CACNA1B: variants seen among roughly 807,000 people sequenced by gnomAD.
CACNA1B encodes the protein calcium voltage-gated channel subunit alpha1 B, also known as voltage-dependent N-type calcium channel subunit alpha-1B.
In CACNA1B, 70 loss-of-function variants were observed where a neutral mutation model predicts 247.2. The ratio of observed to expected loss-of-function variants is 0.28; its 90% CI spans 0.23 to 0.35. The LOEUF (loss-of-function observed/expected upper bound fraction) is 0.35. Ranked by LOEUF, CACNA1B falls within the 10% of genes least tolerant of loss-of-function variation. The pLI, the probability that CACNA1B is intolerant of heterozygous loss-of-function variation, is 1.00. For synonymous variants in CACNA1B, 1,231 were observed against 1,294.4 expected (o/e 0.95, Z 1.05); for missense variants, 2,367 against 3,197.4 (o/e 0.74, Z 6.26).
chr9:138,056,347 T>C (rs1398161751), intron 26 of CACNA1B, among the ~76,000 whole-genome samples: 2 of 152,260 alleles, frequency 1.3e-5, no homozygotes, highest in Non-Finnish European at 2.9e-5. Flanking sequence ...TGTGGTCTTT[T>C]GTGAGTAGCT....
chr9:137,932,572 A>G (rs1188608959), intron 6 of CACNA1B, among the ~76,000 whole-genome samples: 1 of 152,236 alleles, frequency 6.6e-6, no homozygotes, highest in Non-Finnish European at 1.5e-5. Context: ...CTTGGGAAGT[A>G]TCTTGAGTTG....
In CACNA1B at chr9:138,096,369, T is replaced by C. The variant is rs1961055945; in HGVS notation, c.5095-115T>C. 3 of 844,478 alleles carry C rather than the reference T, an allele frequency of 3.6e-6. No individual in the cohort carries two copies. In the Admixed American group the frequency reaches 5.9e-5, roughly 16 times the overall value. The allele number at this position is 844,478 out of a possible 1,614,324, so 52.3% of individuals were successfully genotyped here. On this transcript the variant is annotated intron_variant, in intron 36 of 46. Coordinates refer to ENST00000371372, the MANE Select transcript of CACNA1B (RefSeq NM_000718.4). Reference sequence around the variant, plus strand: ...GCAGATCGGGCATGTGCTGGTCAAATCAGAGTGACCCCTGCTATCCTGAGA... The same window carrying C: ...GCAGATCGGGCATGTGCTGGTCAAACCAGAGTGACCCCTGCTATCCTGAGA...
At chr9:137,945,397 C>G (rs998898189) in intron 6 of CACNA1B, among the ~76,000 whole-genome samples, 4 of 152,188 alleles carry the variant, frequency 2.6e-5, no homozygotes, top group Non-Finnish European at 5.9e-5. Context: ...CTGCGGTTCC[C>G]AAGGGCATCC....
chr9:138,087,158 G>C (rs1469804989), intron 36 of CACNA1B, among the ~76,000 whole-genome samples: 1 of 150,560 alleles, frequency 6.6e-6, no homozygotes, highest in African/African-American at 2.5e-5. Flanking sequence ...GGCTGAAGCG[G>C]GCAGATCATT....
chr9:137,916,841 C>T (rs928622788), intron 5 of CACNA1B, among the ~76,000 whole-genome samples: 1 of 138,774 alleles, frequency 7.2e-6, no homozygotes, highest in African/African-American at 2.7e-5. Context: ...GTGAGGGAGG[C>T]AGTTTGGCTG....
At chr9:138,090,072 TA>T (rs1032850403) in intron 36 of CACNA1B, among the ~76,000 whole-genome samples, 2 of 151,874 alleles carry the variant, frequency 1.3e-5, no homozygotes, top group East Asian at 3.9e-4. Context: ...CATAGAAATA[TA>T]AAAAAAATCC....
At chr9:138,015,518 C>T (rs1328181505) in intron 18 of CACNA1B, among the ~76,000 whole-genome samples, 1 of 147,000 alleles carries the variant, frequency 6.8e-6, no homozygotes, top group Non-Finnish European at 1.5e-5. Context: ...ATTTCCAGCA[C>T]CTTGAGCTGC....
rs7042567 is a variant in CACNA1B, at chr9:138,022,939, G to C, written c.2268-72G>C. 0.035 allele frequency: 50,326 copies of C among 1,431,996 alleles called. 1,385 individuals carry two copies. Among genetic ancestry groups the C allele is most frequent in the African/African-American group, 0.14 (9,652 of 67,090 alleles). 88.7% of individuals were successfully genotyped at this position (1,431,996 alleles called of 1,614,324 possible). ...GCGCCATTACTCCATTGCTGTGTGT[G>C]CATTGTGGCCTCCCTGGAGAGCGGC... is the stretch of plus-strand genomic sequence containing the variant. On this transcript the variant is annotated intron_variant, in intron 18 of 46. Coordinates refer to ENST00000371372, the MANE Select transcript of CACNA1B (RefSeq NM_000718.4).
Position 138,050,140 on chromosome 9 carries a change from C to T in CACNA1B, c.3710+825C>T, listed in dbSNP as rs1959227472. On this transcript the variant is annotated intron_variant, in intron 24 of 46. Transcript: ENST00000371372. This position sits in a 1 kb window ranked among gnomAD's most constrained non-coding sequence, Gnocchi z 5.2. ...CCCTGACATCACAGCATTCCAGCAG[C>T]CCCTCTTGGGTCATTTCATCTCCAG... The T allele has an allele frequency of 2.7e-5, 34 of 1,246,310 alleles. No individual in the cohort carries two copies. The highest frequency in any genetic ancestry group is 6.9e-5 in the Admixed American group (3 of 43,520). The allele number at this position is 1,246,310 out of a possible 1,614,324, so 77.2% of individuals were successfully genotyped here.
chr9:137,909,641 T>C (rs1305897919), intron 3 of CACNA1B, among the ~76,000 whole-genome samples: 3 of 152,242 alleles, frequency 2.0e-5, no homozygotes, highest in Non-Finnish European at 4.4e-5. Flanking sequence ...CTTCCGGTTA[T>C]TGTGAGTGAC....
At position 138,124,291 on chromosome 9, in the gene CACNA1B, T is replaced by C; in HGVS notation, c.*2292T>C. 6.6e-6 allele frequency: 1 copy of C among 152,328 alleles called. No homozygotes were observed. Among genetic ancestry groups the C allele is most frequent in the Middle Eastern group, 3.4e-3 (1 of 294 alleles). 9.4% of individuals were successfully genotyped at this position (152,328 alleles called of 1,614,324 possible). A position where few individuals can be genotyped will look rare whatever the true frequency, so the allele number is the denominator to read the frequency against. On this transcript the variant is annotated 3_prime_UTR_variant, in exon 47 of 47. Transcript: ENST00000371372. ...TGTGCATGTAACATATATACATATA[T>C]ACATATATACAAGTATGTGCATGAT...
At chr9:137,962,146 G>T (rs1330563202) in intron 10 of CACNA1B, among the ~76,000 whole-genome samples, 3 of 152,056 alleles carry the variant, frequency 2.0e-5, no homozygotes, top group Non-Finnish European at 2.9e-5. Context: ...ATTTCTTCTA[G>T]ATTTTCTAGT....
At position 137,919,904 on chromosome 9, in the gene CACNA1B, G is replaced by A. The variant is rs73668500; in HGVS notation, c.966+2473G>A. Among the ~76,000 whole-genome samples, 11 of 152,312 alleles carry A rather than the reference G, an allele frequency of 7.2e-5. No individual in the cohort carries two copies. Among genetic ancestry groups the A allele is most frequent in the South Asian group, 4.1e-4 (2 of 4,830 alleles). On this transcript the variant is annotated intron_variant, in intron 6 of 46. Coordinates refer to ENST00000371372, the MANE Select transcript of CACNA1B (RefSeq NM_000718.4). The surrounding 1 kb of genome is among the most constrained non-coding windows in gnomAD (Gnocchi z 4.6). Reference sequence around the variant, plus strand: ...TTTGTCTGTGCCTGGAAAAGCAGGCGGAGTCAAATGGAGCTTTGGGAGAAC... The same window carrying A: ...TTTGTCTGTGCCTGGAAAAGCAGGCAGAGTCAAATGGAGCTTTGGGAGAAC...
At chr9:138,040,960 C>T (rs1489610946) in intron 20 of CACNA1B, among the ~76,000 whole-genome samples, 1 of 152,178 alleles carries the variant, frequency 6.6e-6, no homozygotes, top group Non-Finnish European at 1.5e-5. Context: ...TTTCAGTTTT[C>T]TCAAGGATGG....
intron 15 of CACNA1B, among the ~76,000 whole-genome samples, chr9:138,000,341 G>T (rs529751022): frequency 1.3e-4 from 19 of 151,946 alleles, no homozygotes; most frequent in African/African-American, 4.6e-4. Flanking sequence ...CTCGTGATCA[G>T]CCCGCCTTGG....
chr9:137,980,159 C>T (rs1332213543), intron 12 of CACNA1B, among the ~76,000 whole-genome samples: 1 of 152,234 alleles, frequency 6.6e-6, no homozygotes, highest in Non-Finnish European at 1.5e-5. Context: ...TTGATTCTTT[C>T]AGTCCAAGTT....
intron 3 of CACNA1B, among the ~76,000 whole-genome samples, chr9:137,907,466 T>C (rs903889799): frequency 6.6e-6 from 1 of 152,170 alleles, no homozygotes; most frequent in African/African-American, 2.4e-5. Flanking sequence ...ATTCTACAGT[T>C]CTCTCTTCCA....
At chr9:137,972,108 T>A (rs1406470365) in intron 11 of CACNA1B, among the ~76,000 whole-genome samples, 3 of 148,634 alleles carry the variant, frequency 2.0e-5, no homozygotes, top group East Asian at 3.9e-4. Flanking sequence ...TAAATCTGGA[T>A]GCATTCATGC....
At chr9:137,943,719 G>T (rs572007826) in intron 6 of CACNA1B, among the ~76,000 whole-genome samples, 1 of 152,292 alleles carries the variant, frequency 6.6e-6, no homozygotes, top group South Asian at 2.1e-4. Flanking sequence ...TTAGGCAAAA[G>T]AGATAGCGAG....
Sources: gnomAD v4.1 joint callset for allele counts (sites outside exome capture counted in the v4.1 genomes callset) on GRCh38, gnomAD v4.1.1 for gene constraint, Gnocchi (gnomAD v3.1) non-coding constraint, MANE v1.5 for transcripts, NCBI Gene and HGNC (gene_info 2026-07-23, HGNC 2026-07-21) for gene names.